Variants in FYB1 observed in about 807,000 individuals in gnomAD.
FYB1 encodes the protein FYN binding protein 1, also known as FYN-binding protein 1.
FYB1 carries 41 observed loss-of-function variants against 94.1 expected under a neutral mutation model. The ratio of observed to expected loss-of-function variants is 0.44; its 90% CI spans 0.34 to 0.57. The LOEUF is 0.57. Ranked by LOEUF, FYB1 falls within the 20% of genes least tolerant of loss-of-function variation. The probability of loss-of-function intolerance (pLI) is 0.02; values close to 1 mark genes in which losing one functional copy is unlikely to be tolerated. For missense variants in FYB1, 1,050 were observed against 976.8 expected, an observed-to-expected ratio of 1.07 and a Z score of -1.00; for synonymous variants, 367 against 353.2, an observed-to-expected ratio of 1.04 and a Z score of -0.44.
intron 3 of FYB1, 41 bp downstream of exon 3, chr5:39,153,407 A>G: frequency 1.3e-5 from 21 of 1,605,880 alleles, no homozygotes; most frequent in Non-Finnish European, 1.8e-5. Context: ...AATCTACGGC[A>G]AGAGACTAGG....
chr5:39,229,407 C>A (rs903773452), intron 1 of FYB1, among the ~76,000 whole-genome samples: 9 of 152,150 alleles, frequency 5.9e-5, no homozygotes, highest in Non-Finnish European at 1.2e-4. Context: ...ATTGTCCAGA[C>A]TTAAATAAAA....
chr5:39,227,444 AC>A (rs1335939949), intron 1 of FYB1, among the ~76,000 whole-genome samples: 2 of 152,118 alleles, frequency 1.3e-5, no homozygotes, highest in African/African-American at 4.8e-5. Flanking sequence ...CATTTGCACA[AC>A]TTGTATTCAA....
chr5:39,225,156 C>T (rs1040692686), intron 1 of FYB1, among the ~76,000 whole-genome samples: 9 of 152,028 alleles, frequency 5.9e-5, no homozygotes, highest in Admixed American at 5.2e-4. Context: ...TTTTGTATAG[C>T]TAGCAGTAAA....
chr5:39,199,901 G>C (rs913317970), intron 2 of FYB1, among the ~76,000 whole-genome samples: 8 of 152,146 alleles, frequency 5.3e-5, no homozygotes, highest in Non-Finnish European at 1.2e-4. Flanking sequence ...CTTTAAAGGG[G>C]TATTATTCAG....
At chr5:39,183,298 T>C (rs1417647265) in intron 2 of FYB1, among the ~76,000 whole-genome samples, 1 of 152,158 alleles carries the variant, frequency 6.6e-6, no homozygotes, top group Non-Finnish European at 1.5e-5. Context: ...GTTTCCTTTT[T>C]TTAAGGTACG....
At chr5:39,251,055 G>A (rs1751691176) in intron 1 of FYB1, among the ~76,000 whole-genome samples, 1 of 152,078 alleles carries the variant, frequency 6.6e-6, no homozygotes, top group Non-Finnish European at 1.5e-5. Context: ...CAACCTTTGA[G>A]GATGATTATA....
chr5:39,192,216 GA>G (rs1345167237), intron 2 of FYB1, among the ~76,000 whole-genome samples: 22 of 152,192 alleles, frequency 1.4e-4, no homozygotes, highest in African/African-American at 5.3e-4. Flanking sequence ...AAGGAAGTCA[GA>G]AAGAGCCTTT....
chr5:39,215,545 C>T (rs779631913), intron 1 of FYB1, among the ~76,000 whole-genome samples: 2 of 152,066 alleles, frequency 1.3e-5, no homozygotes, highest in African/African-American at 2.4e-5. Context: ...ACTCACCAGC[C>T]CAGCCAGCCA....
intron 14 of FYB1, among the ~76,000 whole-genome samples, chr5:39,120,117 T>C (rs1207343435): frequency 1.3e-5 from 2 of 151,936 alleles, no homozygotes; most frequent in African/African-American, 4.8e-5. Flanking sequence ...AGCTAGAGTT[T>C]TGGTTAATAA....
chr5:39,124,094 G>A (rs1378219849), intron 13 of FYB1, among the ~76,000 whole-genome samples, 159 bp downstream of exon 13: 1 of 152,026 alleles, frequency 6.6e-6, no homozygotes, highest in Non-Finnish European at 1.5e-5. Context: ...TTATCATTGA[G>A]CACCTGTGAC....
chr5:39,219,974 A>G (rs1163902282), upstream of FYB1, among the ~76,000 whole-genome samples: 2 of 152,188 alleles, frequency 1.3e-5, no homozygotes, highest in Non-Finnish European at 2.9e-5. Flanking sequence ...GTCAGGAGGT[A>G]AAGTGGTGTG....
intron 10 of FYB1, among the ~76,000 whole-genome samples, chr5:39,130,270 T>TG (rs1255503010): frequency 6.6e-6 from 1 of 151,946 alleles, no homozygotes; most frequent in African/African-American, 2.4e-5. Flanking sequence ...AGAATGTGTT[T>TG]GGGGGGACAT....
intron 1 of FYB1, among the ~76,000 whole-genome samples, chr5:39,206,843 C>T (rs1748904381): frequency 6.6e-6 from 1 of 152,162 alleles, no homozygotes; most frequent in Non-Finnish European, 1.5e-5. Flanking sequence ...TTCCTTCTCC[C>T]ACTTTTCACA....
chr5:39,251,340 A>C (rs144767790), intron 1 of FYB1, among the ~76,000 whole-genome samples: 67 of 152,332 alleles, frequency 4.4e-4, no homozygotes, highest in Non-Finnish European at 7.5e-4. Context: ...ATTGAATTAC[A>C]ACAATGGTAA....
rs529531080 is a variant in FYB1, at chr5:39,119,919, G to T, written c.2139-285C>A. ...ACTGAGTCATGGTTTAAACTTGGTT[G>T]CATGTCAGCAGTTTCATATGACTTA... On this transcript the variant is annotated intron_variant, in intron 14 of 18. Transcript: ENST00000512982. Among the ~76,000 whole-genome samples the T allele has an allele frequency of 3.3e-5, 5 of 152,162 alleles. No individual in the cohort carries two copies. The South Asian group carries it at 8.3e-4, about 25-fold the overall frequency.
intron 3 of FYB1, among the ~76,000 whole-genome samples, chr5:39,150,595 T>A (rs1287836951): frequency 6.6e-6 from 1 of 152,228 alleles, no homozygotes. Flanking sequence ...ATCTTCAGCC[T>A]CCTCATGGTG....
intron 2 of FYB1, chr5:39,169,947 G>T: frequency 1.6e-6 from 1 of 644,842 alleles, no homozygotes; most frequent in South Asian, 1.5e-5. Flanking sequence ...AACTATTAAG[G>T]AAATTAAAGG....
chr5:39,265,978 GTT>G (rs142472884), intron 1 of FYB1, among the ~76,000 whole-genome samples: 24 of 134,178 alleles, frequency 1.8e-4, no homozygotes, highest in East Asian at 2.2e-4. Context: ...AATTTTTACT[GTT>G]TTTTTTTTTT....
chr5:39,183,413 C>T (rs1344457148), intron 2 of FYB1, among the ~76,000 whole-genome samples: 1 of 152,158 alleles, frequency 6.6e-6, no homozygotes, highest in Non-Finnish European at 1.5e-5. Context: ...CCCAAGGGTA[C>T]TTGCCTCTTA....
Sources: gnomAD v4.1 joint callset for allele counts (sites outside exome capture counted in the v4.1 genomes callset) on GRCh38, gnomAD v4.1.1 for gene constraint, MANE v1.5 for transcripts, NCBI Gene and HGNC (gene_info 2026-07-23, HGNC 2026-07-21) for gene names.